Variants in LINGO2 observed in about 807,000 individuals in gnomAD.
LINGO2 encodes leucine rich repeat and Ig domain containing 2, also known as leucine-rich repeat and immunoglobulin-like domain-containing nogo receptor-interacting protein 2.
A neutral mutation model predicts 30.6 loss-of-function variants in LINGO2; 14 were observed. That is an observed-to-expected ratio of 0.46 (90% CI 0.30 to 0.72). The LOEUF (loss-of-function observed/expected upper bound fraction) is 0.72, where lower values mean the gene tolerates loss of function less well. LINGO2 is among the 30% of genes least tolerant of loss of function. LINGO2 has a pLI of 0.07. For synonymous variants in LINGO2, 317 were observed against 288.5 expected, an observed-to-expected ratio of 1.10 and a Z score of -1.00; for missense variants, 729 against 751.7, an observed-to-expected ratio of 0.97 and a Z score of 0.35.
chr9:28,688,778 C>T, the LINGO2 span, among the ~76,000 whole-genome samples: 1 of 152,126 alleles, frequency 6.6e-6, no homozygotes, highest in Non-Finnish European at 1.5e-5. Flanking sequence ...ATGGTACTAA[C>T]ACAGGTACTC....
At chr9:28,486,568 T>C (rs1297807369) in intron 1 of LINGO2, among the ~76,000 whole-genome samples, 1 of 152,162 alleles carries the variant, frequency 6.6e-6, no homozygotes, top group Non-Finnish European at 1.5e-5. Context: ...TGTGCATGCA[T>C]GTATGTGGGT....
chr9:28,615,415 T>C (rs540647661), intron 1 of LINGO2, among the ~76,000 whole-genome samples: 8 of 152,138 alleles, frequency 5.3e-5, no homozygotes, highest in African/African-American at 1.9e-4. Flanking sequence ...GGCTGCAATA[T>C]AAGCTCCATG....
chr9:27,988,891 C>A (rs1338938370), intron 5 of LINGO2, among the ~76,000 whole-genome samples: 1 of 150,624 alleles, frequency 6.6e-6, no homozygotes, highest in East Asian at 2.0e-4. Context: ...CTTGATTGAT[C>A]ACTTCATCTT....
intron 4 of LINGO2, among the ~76,000 whole-genome samples, chr9:28,088,698 A>C (rs1825985602): frequency 6.6e-6 from 1 of 152,164 alleles, no homozygotes; most frequent in Admixed American, 6.6e-5. Flanking sequence ...GATAGGATCA[A>C]ATTCACACAT....
At chr9:28,742,399 T>C in the LINGO2 span, among the ~76,000 whole-genome samples, 1 of 152,030 alleles carries the variant, frequency 6.6e-6, no homozygotes, top group South Asian at 2.1e-4. Context: ...GAATGAGTTG[T>C]GCAAAGTCCT....
At chr9:28,052,089 G>A (rs1824703513) in intron 4 of LINGO2, among the ~76,000 whole-genome samples, 2 of 151,938 alleles carry the variant, frequency 1.3e-5, no homozygotes, top group African/African-American at 2.4e-5. Context: ...TTTAGCAGAG[G>A]GTAAACTGGG....
chr9:28,052,250 G>A (rs751967852), intron 4 of LINGO2, among the ~76,000 whole-genome samples: 2 of 152,100 alleles, frequency 1.3e-5, no homozygotes, highest in African/African-American at 2.4e-5. Flanking sequence ...AGTGTTGTAA[G>A]TTTGAGAGTC....
At chr9:28,369,596 C>T (rs1820818596) in intron 3 of LINGO2, among the ~76,000 whole-genome samples, 1 of 152,260 alleles carries the variant, frequency 6.6e-6, no homozygotes, top group South Asian at 2.1e-4. Context: ...AAGATAAAAT[C>T]AGACAGGTAG....
intron 4 of LINGO2, chr9:28,149,078 G>A: frequency 6.5e-7 from 1 of 1,534,590 alleles, no homozygotes; most frequent in Middle Eastern, 2.3e-4. Context: ...GGCACTGTTG[G>A]TGGGTCAGGC....
At chr9:28,043,330 C>G (rs1450643590) in intron 4 of LINGO2, among the ~76,000 whole-genome samples, 1 of 152,190 alleles carries the variant, frequency 6.6e-6, no homozygotes, top group East Asian at 1.9e-4. Flanking sequence ...ACTGCATGCC[C>G]TCAACACTCA....
chr9:28,643,059 A>G (rs921914143), intron 1 of LINGO2, among the ~76,000 whole-genome samples: 1 of 152,130 alleles, frequency 6.6e-6, no homozygotes, highest in Non-Finnish European at 1.5e-5. Flanking sequence ...CGATAGAAAG[A>G]TATTTCATGT....
intron 2 of LINGO2, among the ~76,000 whole-genome samples, chr9:28,423,092 A>G (rs1216062802): frequency 1.3e-5 from 2 of 152,100 alleles, no homozygotes; most frequent in Non-Finnish European, 2.9e-5. Flanking sequence ...AGAGTCCCAA[A>G]GGTTGATCGT....
At chr9:28,893,748 ATTTTT>A in the LINGO2 span, among the ~76,000 whole-genome samples, 1 of 150,608 alleles carries the variant, frequency 6.6e-6, no homozygotes, top group Non-Finnish European at 1.5e-5. Flanking sequence ...TAATGGTTTG[ATTTTT>A]TTTAATTATT....
At chr9:29,126,120 C>T in the LINGO2 span, among the ~76,000 whole-genome samples, 1 of 152,086 alleles carries the variant, frequency 6.6e-6, no homozygotes, top group Non-Finnish European at 1.5e-5. Flanking sequence ...TCATCCCATG[C>T]CCTTAGGCTC....
chr9:29,028,429 TGAGA>T, the LINGO2 span, among the ~76,000 whole-genome samples: 1 of 112,744 alleles, frequency 8.9e-6, no homozygotes, highest in African/African-American at 3.7e-5. Flanking sequence ...TGGGGGGGGG[TGAGA>T]GAGAGAGAGA....
chr9:28,463,643 T>A (rs761560412), intron 2 of LINGO2, among the ~76,000 whole-genome samples: 15 of 152,072 alleles, frequency 9.9e-5, no homozygotes, highest in Non-Finnish European at 2.1e-4. Flanking sequence ...CAGACAAATA[T>A]GTGTGCATGT....
At chr9:28,455,840 T>C (rs1322295007) in intron 2 of LINGO2, among the ~76,000 whole-genome samples, 1 of 152,078 alleles carries the variant, frequency 6.6e-6, no homozygotes, top group Non-Finnish European at 1.5e-5. Context: ...TACGAACCAT[T>C]TGGCAGTTCT....
At chr9:29,086,037 G>T in the LINGO2 span, among the ~76,000 whole-genome samples, 1 of 152,110 alleles carries the variant, frequency 6.6e-6, no homozygotes, top group Non-Finnish European at 1.5e-5. Flanking sequence ...AGTGGAAAAG[G>T]TGGGAAAGGA....
the LINGO2 span, among the ~76,000 whole-genome samples, chr9:28,881,202 G>A: frequency 4.6e-5 from 7 of 152,146 alleles, no homozygotes; most frequent in Non-Finnish European, 8.8e-5. Flanking sequence ...TGGAGGGGCA[G>A]GCCACCCCTT....
Sources: gnomAD v4.1 joint callset for allele counts (sites outside exome capture counted in the v4.1 genomes callset) on GRCh38, gnomAD v4.1.1 for gene constraint, MANE v1.5 for transcripts, NCBI Gene and HGNC (gene_info 2026-07-23, HGNC 2026-07-21) for gene names.